SYNE1: variants seen among roughly 807,000 people sequenced by gnomAD.
The protein encoded by SYNE1 is nesprin-1.
Under a neutral mutation model 1,111.0 loss-of-function variants are expected in SYNE1, and 616 were observed. The observed-to-expected ratio is 0.55, with a 90% CI of 0.52 to 0.59. The LOEUF (loss-of-function observed/expected upper bound fraction) is 0.59, where lower values mean the gene tolerates loss of function less well. Among genes scored for constraint, SYNE1 ranks in the 20% least tolerant of loss-of-function variants. The pLI is 0.00. For missense variants in SYNE1, 10,006 were observed against 10,417.0 expected (o/e 0.96, Z 1.72); for synonymous variants, 3,855 against 3,825.8 (o/e 1.01, Z -0.28).
At chr6:152,586,053 G>A (rs774083512) in intron 3 of SYNE1, among the ~76,000 whole-genome samples, 4 of 151,984 alleles carry the variant, frequency 2.6e-5, no homozygotes, top group Non-Finnish European at 5.9e-5. Flanking sequence ...TTACATATGT[G>A]GGCCTATTTT....
At chr6:152,321,107 G>T in intron 84 of SYNE1, 131 bp downstream of exon 84, 2 of 989,900 alleles carry the variant, frequency 2.0e-6, no homozygotes, top group Non-Finnish European at 3.0e-6. Context: ...TAATATTATT[G>T]TTTTATAGCC....
intron 3 of SYNE1, among the ~76,000 whole-genome samples, chr6:152,551,867 C>A (rs1161006382): frequency 6.6e-6 from 1 of 152,192 alleles, no homozygotes; most frequent in Non-Finnish European, 1.5e-5. Flanking sequence ...AGAAGGACTT[C>A]AAGCTGAGGC....
intron 91 of SYNE1, among the ~76,000 whole-genome samples, chr6:152,306,825 G>A (rs1023162825): frequency 2.0e-5 from 3 of 147,512 alleles, no homozygotes; most frequent in Non-Finnish European, 3.0e-5. Flanking sequence ...GGTACAGACT[G>A]CAATAAGCCA....
At chr6:152,307,591 CCTG>C (rs1449021028) in intron 91 of SYNE1, among the ~76,000 whole-genome samples, 2 of 151,780 alleles carry the variant, frequency 1.3e-5, no homozygotes, top group Non-Finnish European at 2.9e-5. Context: ...AAGGAAATTC[CCTG>C]CTAAGCTCAA....
chr6:152,630,427 AC>A (rs2099696111), intron 2 of SYNE1, among the ~76,000 whole-genome samples: 1 of 152,190 alleles, frequency 6.6e-6, no homozygotes, highest in Non-Finnish European at 1.5e-5. Context: ...TTGGGCTGTC[AC>A]ATACATACCT....
chr6:152,404,058 A>C (rs2097857608), intron 46 of SYNE1, among the ~76,000 whole-genome samples, 155 bp downstream of exon 46: 1 of 150,950 alleles, frequency 6.6e-6, no homozygotes, highest in African/African-American at 2.4e-5. Context: ...GATGTATATG[A>C]GATATATGTA....
chr6:152,206,095 A>G, intron 126 of SYNE1, 73 bp downstream of exon 126: 1 of 1,382,252 alleles, frequency 7.2e-7, no homozygotes, highest in Non-Finnish European at 1.0e-6. Flanking sequence ...TTTGATTTGT[A>G]GAATAACAAT....
At chr6:152,168,260 G>C in intron 130 of SYNE1, 1 of 659,702 alleles carries the variant, frequency 1.5e-6, no homozygotes, top group East Asian at 2.7e-5. Context: ...TATCCTGCGT[G>C]GGGATGAAAG....
At chr6:152,341,988 A>C (rs375990981) in intron 74 of SYNE1, among the ~76,000 whole-genome samples, 11 of 152,356 alleles carry the variant, frequency 7.2e-5, no homozygotes, top group African/African-American at 2.6e-4. Context: ...AAAAATAAAA[A>C]ATAAAAAAAG....
rs1293576148 is a variant in SYNE1 at position 152,343,015 on chromosome 6, T to C, written c.12225+1066A>G. ...TTATAACTTTTAGAAGTAAGTATAC[T>C]TATAAATGTCACTTTTGATAGTAGG... On this transcript the variant is annotated intron_variant, in intron 74 of 145. Transcript: ENST00000367255. 5.3e-5 allele frequency among the ~76,000 whole-genome samples: 8 copies of C among 152,334 alleles called. No homozygotes were observed. The East Asian group carries it at 1.5e-3, about 29-fold the overall frequency.
intron 63 of SYNE1, among the ~76,000 whole-genome samples, chr6:152,363,037 T>A (rs187932961): frequency 3.6e-4 from 55 of 151,064 alleles, no homozygotes; most frequent in African/African-American, 1.2e-3. Flanking sequence ...CCCGCCACCA[T>A]GCCCGGCTAA....
chr6:152,558,549 T>C (rs1176581941), intron 3 of SYNE1, among the ~76,000 whole-genome samples: 4 of 152,190 alleles, frequency 2.6e-5, no homozygotes, highest in Non-Finnish European at 4.4e-5. Flanking sequence ...GCTATCCTTA[T>C]ATCGCACAAT....
At chr6:152,338,763 C>T (rs2096464429) in intron 75 of SYNE1, among the ~76,000 whole-genome samples, 1 of 152,158 alleles carries the variant, frequency 6.6e-6, no homozygotes, top group South Asian at 2.1e-4. Flanking sequence ...CTCATCATAG[C>T]CCAGACAGTT....
chr6:152,359,571 A>G, intron 64 of SYNE1, 113 bp from the exon 65 acceptor site: 1 of 1,295,620 alleles, frequency 7.7e-7, no homozygotes, highest in East Asian at 2.4e-5. Flanking sequence ...CAGGTTATTT[A>G]TTCGTCCACT....
At chr6:152,576,207 A>G (rs1234697042) in intron 3 of SYNE1, among the ~76,000 whole-genome samples, 1 of 152,224 alleles carries the variant, frequency 6.6e-6, no homozygotes, top group African/African-American at 2.4e-5. Context: ...TAGGATATAA[A>G]TAAAATCAAT....
At chr6:152,141,545 T>G (rs1466489920) in intron 138 of SYNE1, among the ~76,000 whole-genome samples, 2 of 151,826 alleles carry the variant, frequency 1.3e-5, no homozygotes, top group Non-Finnish European at 2.9e-5. Flanking sequence ...TTGTTTGAAC[T>G]CAGGAGTTTG....
At chr6:152,202,632 A>G (rs1357687333) in intron 126 of SYNE1, among the ~76,000 whole-genome samples, 2 of 152,184 alleles carry the variant, frequency 1.3e-5, no homozygotes, top group African/African-American at 4.8e-5. Flanking sequence ...AATGACCAGA[A>G]TATTATGGGT....
At chr6:152,589,210 T>A (rs1354988263) in intron 3 of SYNE1, among the ~76,000 whole-genome samples, 1 of 152,136 alleles carries the variant, frequency 6.6e-6, no homozygotes, top group Non-Finnish European at 1.5e-5. Context: ...CCTGGCCAAA[T>A]GCTGTATTCT....
chr6:152,466,880 C>A (rs529128092), intron 16 of SYNE1, among the ~76,000 whole-genome samples: 29 of 151,948 alleles, frequency 1.9e-4, no homozygotes, highest in Non-Finnish European at 3.4e-4. Context: ...ATAATGAGTT[C>A]CTATGATTTG....
Sources: allele counts gnomAD v4.1 joint callset (sites outside exome capture counted in the v4.1 genomes callset), GRCh38; gene constraint gnomAD v4.1.1; transcripts MANE v1.5; gene names NCBI Gene and HGNC (gene_info 2026-07-23, HGNC 2026-07-21).